Variants in TET2 observed in about 807,000 individuals in gnomAD.
The protein encoded by TET2 is methylcytosine dioxygenase TET2.
TET2 carries 299 observed loss-of-function variants against 142.9 expected under a neutral mutation model. The observed-to-expected ratio is 2.09, with a 90% confidence interval of 1.90 to 2.30. The LOEUF (loss-of-function observed/expected upper bound fraction) is 2.30, where lower values mean the gene tolerates loss of function less well. TET2 is among the 30% of genes most tolerant of loss of function. TET2 has a pLI of 0.00. For synonymous variants in TET2, 819 were observed against 849.0 expected, an observed-to-expected ratio of 0.96 and a Z score of 0.61; for missense variants, 2,418 against 2,378.0, an observed-to-expected ratio of 1.02 and a Z score of -0.35.
chr4:105,273,436 G>C (rs1731061757), intron 10 of TET2, among the ~76,000 whole-genome samples: 1 of 152,194 alleles, frequency 6.6e-6, no homozygotes, highest in Non-Finnish European at 1.5e-5. Context: ...CAAATTAGTA[G>C]AGGAGCTAAT....
chr4:105,180,662 G>C (rs1350895327), intron 1 of TET2, among the ~76,000 whole-genome samples: 6 of 149,086 alleles, frequency 4.0e-5, no homozygotes, highest in Non-Finnish European at 7.4e-5. Flanking sequence ...TTTTCTTGGA[G>C]ACAGTCTCAC....
At chr4:105,163,854 A>AGTGAGAGTGTGT (rs1724011807) in intron 1 of TET2, among the ~76,000 whole-genome samples, 1 of 85,168 alleles carries the variant, frequency 1.2e-5, no homozygotes, top group African/African-American at 4.5e-5. Context: ...AGAGAGAGAG[A>AGTGAGAGTGTGT]GTGTGTGTGT....
At chr4:105,185,430 CTTTTT>C (rs993417167) in intron 1 of TET2, among the ~76,000 whole-genome samples, 1 of 151,950 alleles carries the variant, frequency 6.6e-6, no homozygotes, top group African/African-American at 2.4e-5. Flanking sequence ...TTTTTATTGT[CTTTTT>C]TTTCTAAATC....
chr4:105,278,506 G>A lies in TET2; in HGVS notation c.*1987G>A, dbSNP rs1232464007. On this transcript the variant is annotated 3_prime_UTR_variant, in exon 11 of 11. Transcript: ENST00000380013. ...AAAATTCAGGGATATTTCAGCTCAT[G>A]CTCTCCCTATGCCAACATGTCACCT... The A allele has an allele frequency of 4.4e-6, 1 of 229,182 alleles. No individual in the cohort carries two copies. Among genetic ancestry groups the A allele is most frequent in the Non-Finnish European group, 8.6e-6 (1 of 115,838 alleles). 14.2% of individuals were successfully genotyped at this position (229,182 alleles called of 1,614,324 possible).
intron 2 of TET2, among the ~76,000 whole-genome samples, chr4:105,201,968 C>T (rs957289212): frequency 6.6e-6 from 1 of 152,004 alleles, no homozygotes; most frequent in East Asian, 1.9e-4. Context: ...TTCGCAAACT[C>T]CTGGCCTCAA....
chr4:105,153,284 T>C (rs956022437), intron 1 of TET2, among the ~76,000 whole-genome samples: 2 of 152,250 alleles, frequency 1.3e-5, no homozygotes, highest in Non-Finnish European at 2.9e-5. Context: ...ACTAATCTTA[T>C]TCAGATGTCC....
chr4:105,263,428 A>G (rs929816030), intron 8 of TET2, among the ~76,000 whole-genome samples: 1 of 152,238 alleles, frequency 6.6e-6, no homozygotes, highest in African/African-American at 2.4e-5. Context: ...GCAGGAATTA[A>G]GTATGTACAC....
intron 1 of TET2, among the ~76,000 whole-genome samples, chr4:105,182,022 C>A (rs1285280168): frequency 6.6e-6 from 1 of 151,936 alleles, no homozygotes; most frequent in Non-Finnish European, 1.5e-5. Context: ...AATTCGAAAA[C>A]ATTTTTAAAT....
intron 1 of TET2, among the ~76,000 whole-genome samples, chr4:105,158,777 A>G (rs1723687160): frequency 6.6e-6 from 1 of 152,200 alleles, no homozygotes; most frequent in South Asian, 2.1e-4. Context: ...GAAATGCAAC[A>G]GGAAAAAAAT....
rs547382596 is a variant in TET2 at position 105,190,459 on chromosome 4, G to A, written c.-93G>A. 1.9e-4 allele frequency: 132 copies of A among 702,062 alleles called. No homozygotes were observed. In the South Asian group the frequency reaches 2.0e-3, roughly 10 times the overall value. The allele number at this position is 702,062 out of a possible 1,614,324, so 43.5% of individuals were successfully genotyped here. ...GAAGCAGGAGATGGGCTCAGCAGCAGCCAATAGGACATGATCCAGGAAGAG... is the reference window on the plus strand; with the variant it reads ...GAAGCAGGAGATGGGCTCAGCAGCAACCAATAGGACATGATCCAGGAAGAG... On this transcript the variant is annotated 5_prime_UTR_variant, in exon 2 of 11. Coordinates refer to ENST00000380013, the MANE Select transcript of TET2 (RefSeq NM_001127208.3).
chr4:105,241,831 T>TAAAAC (rs2110250383), intron 4 of TET2: 2 of 1,248,158 alleles, frequency 1.6e-6, no homozygotes, highest in East Asian at 6.3e-5. Context: ...TGAATTAAAT[T>TAAAAC]CACCTAGTGT....
intron 6 of TET2, among the ~76,000 whole-genome samples, chr4:105,253,416 G>T (rs1729966892): frequency 1.3e-5 from 2 of 151,980 alleles, no homozygotes; most frequent in South Asian, 4.2e-4. Flanking sequence ...ATTTCATTTG[G>T]GGGGGTGCTA....
intron 8 of TET2, 47 bp from the exon 9 acceptor site, chr4:105,269,563 G>A (rs1008408136): frequency 1.9e-6 from 3 of 1,543,986 alleles, no homozygotes; most frequent in Non-Finnish European, 2.6e-6. Flanking sequence ...TTCGGTGTAA[G>A]AGTAAAACTA....
At chr4:105,271,265 A>G (rs1054279466) in intron 9 of TET2, among the ~76,000 whole-genome samples, 8 of 152,220 alleles carry the variant, frequency 5.3e-5, no homozygotes, top group Non-Finnish European at 8.8e-5. Flanking sequence ...CAACCACCCC[A>G]ACATCTAAAA....
chr4:105,222,997 C>A (rs1013117622), intron 2 of TET2, among the ~76,000 whole-genome samples: 32 of 152,194 alleles, frequency 2.1e-4, no homozygotes, highest in African/African-American at 7.7e-4. Flanking sequence ...TCTTGTTTTT[C>A]TCAGGTTTGT....
At chr4:105,198,894 CAG>C (rs1456686209) in intron 2 of TET2, among the ~76,000 whole-genome samples, 1 of 152,144 alleles carries the variant, frequency 6.6e-6, no homozygotes, top group Non-Finnish European at 1.5e-5. Context: ...GCTTGAACCT[CAG>C]AGATACTTAA....
chr4:105,242,031 G>T, intron 4 of TET2: 1 of 1,238,070 alleles, frequency 8.1e-7, no homozygotes. Flanking sequence ...ATAATGCAGA[G>T]AAGGCCTTTC....
At chr4:105,201,917 A>AT (rs1726502843) in intron 2 of TET2, among the ~76,000 whole-genome samples, 1 of 150,846 alleles carries the variant, frequency 6.6e-6, no homozygotes, top group Non-Finnish European at 1.5e-5. Context: ...AATTTTTTGT[A>AT]TTTTTTGTAG....
At chr4:105,241,122 A>C in intron 3 of TET2, 1 of 1,135,148 alleles carries the variant, frequency 8.8e-7, no homozygotes, top group Non-Finnish European at 1.1e-6. Context: ...CTGAAATGTA[A>C]TATATTTTTA....
Sources: gnomAD v4.1 joint callset for allele counts (sites outside exome capture counted in the v4.1 genomes callset) on GRCh38, gnomAD v4.1.1 for gene constraint, MANE v1.5 for transcripts, NCBI Gene and HGNC (gene_info 2026-07-23, HGNC 2026-07-21) for gene names.